Variants in ARMCX4 observed in about 807,000 individuals in gnomAD.
ARMCX4 encodes the protein armadillo repeat-containing X-linked protein 4.
A neutral mutation model predicts 34.7 loss-of-function variants in ARMCX4; 3 were observed. That is an observed-to-expected ratio of 0.09 (90% CI 0.04 to 0.22). The LOEUF (loss-of-function observed/expected upper bound fraction) is 0.22, where lower values mean the gene tolerates loss of function less well. Among genes scored for constraint, ARMCX4 ranks in the 10% least tolerant of loss-of-function variants. ARMCX4 has a pLI of 1.00. For missense variants in ARMCX4, 1,448 were observed against 1,720.8 expected, an observed-to-expected ratio of 0.84 and a Z score of 2.81; for synonymous variants, 513 against 632.8, an observed-to-expected ratio of 0.81 and a Z score of 2.84.
At chrX:101,422,214 ACCATGTTGG>A (rs782291311) in intron 2 of ARMCX4, among the ~76,000 whole-genome samples, 78 of 109,087 alleles carry the variant, frequency 7.2e-4, no homozygotes, top group African/African-American at 2.6e-3. Context: ...ATGGGGTTTC[ACCATGTTGG>A]CCAGGCTGGT....
At chrX:101,484,309 T>A (rs1404028617), upstream of ARMCX4, among the ~76,000 whole-genome samples, 1 of 111,964 alleles carries the variant, frequency 8.9e-6, no homozygotes, top group African/African-American at 3.3e-5. Context: ...TTACGACGGA[T>A]GAAAATTCCA....
At chrX:101,468,485 G>T (rs1932833877) in intron 4 of ARMCX4, among the ~76,000 whole-genome samples, 2 of 109,444 alleles carry the variant, frequency 1.8e-5, no homozygotes, top group Admixed American at 9.7e-5. Context: ...TGGAGAGGAG[G>T]TTTCACCATG....
rs1265821118 is a variant in ARMCX4 at position 101,489,146 on chromosome X, C to A, written c.557C>A (p.Thr186Asn). 1.7e-6 allele frequency: 2 copies of A among 1,154,610 alleles called. No individual in the cohort carries two copies. The highest frequency in any genetic ancestry group is 3.6e-5 in the African/African-American group (2 of 55,920). The change falls in exon 6 of 6, where the codon ACC (threonine) becomes AAC (asparagine). Residue 186 changes from threonine to asparagine, a missense_variant. Around this residue, in one of 2 missense-constraint regions of ARMCX4, gnomAD observed 1,343 missense variants for 1,540.7 expected, o/e 0.87. Transcript: ENST00000423738. Reference sequence around the variant, plus strand: ...ACAGAGGCCAAGAGAGAAGCAATGACCCAGACCAAAGCTGAAACTCATATA... The same window carrying A: ...ACAGAGGCCAAGAGAGAAGCAATGAACCAGACCAAAGCTGAAACTCATATA... ...AKTEAKREAMTQTKAETHILA... is the reference protein window; with the variant it reads ...AKTEAKREAMNQTKAETHILA...
Position 101,470,304 on chromosome X carries a change from CT to C in ARMCX4, c.-472-15707del, listed in dbSNP as rs35076008. ...TGGCTCTGTTCACTCAGCATACTGG[CT>C]TTTTTTTTTTTAACTTCTCCTTTTT... is the stretch of plus-strand genomic sequence containing the variant. On this transcript the variant is annotated intron_variant and NMD_transcript_variant, in intron 4 of 15. Coordinates refer to the ARMCX4 transcript ENST00000433011. Among the ~76,000 whole-genome samples the C allele has an allele frequency of 6.4e-3, 667 of 103,981 alleles. 2 individuals are homozygous for C. Among genetic ancestry groups the C allele is most frequent in the African/African-American group, 0.017 (485 of 29,011 alleles). 90.3% of individuals were successfully genotyped at this position (103,981 alleles called of 115,157 possible). A position where few individuals can be genotyped will look rare whatever the true frequency, so the allele number is the denominator to read the frequency against.
At chrX:101,480,159 C>G (rs940433933) in intron 4 of ARMCX4, among the ~76,000 whole-genome samples, 40 of 105,416 alleles carry the variant, frequency 3.8e-4, no homozygotes, top group African/African-American at 2.2e-4. Context: ...CACACACACA[C>G]ACACACACAC....
At chrX:101,427,121 G>A (rs1929670022) in intron 2 of ARMCX4, among the ~76,000 whole-genome samples, 1 of 111,422 alleles carries the variant, frequency 9.0e-6, no homozygotes, top group Non-Finnish European at 1.9e-5. Flanking sequence ...TTTTCATTTT[G>A]TGGGGAAAAA....
intron 4 of ARMCX4, among the ~76,000 whole-genome samples, chrX:101,470,968 G>C (rs1230554210): frequency 8.9e-6 from 1 of 111,863 alleles, no homozygotes; most frequent in Non-Finnish European, 1.9e-5. Flanking sequence ...GTTTCTCCAT[G>C]TTCTCACCAA....
intron 2 of ARMCX4, among the ~76,000 whole-genome samples, chrX:101,423,490 G>A (rs1929407357): frequency 9.2e-6 from 1 of 108,138 alleles, no homozygotes; most frequent in Non-Finnish European, 1.9e-5. Flanking sequence ...GGTGACACAT[G>A]CCTGTAATCC....
chrX:101,431,736 G>T (rs1187166244), intron 2 of ARMCX4, among the ~76,000 whole-genome samples: 1 of 111,211 alleles, frequency 9.0e-6, no homozygotes. Context: ...ATAGAGATGG[G>T]GTTTCATTGT....
intron 4 of ARMCX4, among the ~76,000 whole-genome samples, chrX:101,466,345 C>T (rs73563056): frequency 0.013 from 1,502 of 111,462 alleles, 20 homozygotes; most frequent in African/African-American, 0.047. Flanking sequence ...TAGAGTTAAA[C>T]ATACACTTCC....
intron 11 of ARMCX4, among the ~76,000 whole-genome samples, chrX:101,517,847 T>TA (rs201632948): frequency 1.3e-3 from 141 of 108,510 alleles, no homozygotes; most frequent in Admixed American, 1.8e-3. Context: ...TCAAGGTTTG[T>TA]AAAAAAAAAC....
At position 101,487,673 on chromosome X, in the gene ARMCX4, T is replaced by C; in HGVS notation, c.-221T>C. On this transcript the variant is annotated 5_prime_UTR_variant, in exon 4 of 6. Transcript: ENST00000423738. The stretch of plus-strand genomic sequence containing the variant: ...AGCAAAGAAACAAAGAGGAGATTGC[T>C]CCTGATCAGTATAGACTGGTAAGAG... 1 of 963,587 alleles carries C rather than the reference T, an allele frequency of 1.0e-6. No homozygotes were observed. The highest frequency in any genetic ancestry group is 1.3e-6 in the Non-Finnish European group (1 of 748,680). 79.4% of individuals were successfully genotyped at this position (963,587 alleles called of 1,213,427 possible).
rs1000434120 is a variant in ARMCX4, at chrX:101,420,290, C to T, written n.164+1290C>T. Among the ~76,000 whole-genome samples the T allele has an allele frequency of 3.6e-5, 4 of 111,034 alleles. No homozygotes were observed. The East Asian group carries it at 8.5e-4, about 24-fold the overall frequency. ...AGGAGAATCACTTGAATGCAGGAGG[C>T]GGAGGTTGCAATGAGCCAAGATTGT... On this transcript the variant is annotated intron_variant and non_coding_transcript_variant, in intron 2 of 3. Coordinates refer to the ARMCX4 transcript ENST00000430461.
In ARMCX4 at chrX:101,520,699, T is replaced by C. The variant is rs188358254; in HGVS notation, c.*1780+9644T>C. 1.3e-4 allele frequency among the ~76,000 whole-genome samples: 15 copies of C among 111,230 alleles called. No homozygotes were observed. In the East Asian group the frequency reaches 3.9e-3, roughly 29 times the overall value. On this transcript the variant is annotated intron_variant and NMD_transcript_variant, in intron 11 of 12. Coordinates refer to the ARMCX4 transcript ENST00000354842. ...TGTCTGTATTTATAAGTTATATTGGTTAGAGTGGTTTTCCTTTCCTGTGAC... is the reference window on the plus strand; with the variant it reads ...TGTCTGTATTTATAAGTTATATTGGCTAGAGTGGTTTTCCTTTCCTGTGAC...
downstream of ARMCX4, among the ~76,000 whole-genome samples, chrX:101,535,761 T>C (rs781898502): frequency 8.9e-6 from 1 of 111,906 alleles, no homozygotes; most frequent in African/African-American, 3.2e-5. Context: ...TTTACTAAGA[T>C]TAAAAAACTT....
intron 4 of ARMCX4, among the ~76,000 whole-genome samples, chrX:101,478,633 G>T (rs868941259): frequency 4.3e-4 from 48 of 111,255 alleles, no homozygotes; most frequent in African/African-American, 1.4e-3. Context: ...ACAAGACAAA[G>T]AATCTAAACA....
rs1485691773 is a variant in ARMCX4 at position 101,492,347 on chromosome X, G to A, written c.3758G>A (p.Gly1253Glu). 15 of 1,148,184 alleles carry A rather than the reference G, an allele frequency of 1.3e-5. No individual in the cohort carries two copies. In the Admixed American group the frequency reaches 3.9e-4, roughly 30 times the overall value. 94.6% of individuals were successfully genotyped at this position (1,148,184 alleles called of 1,213,427 possible). A position where few individuals can be genotyped will look rare whatever the true frequency, so the allele number is the denominator to read the frequency against. The change falls in exon 6 of 6, where the codon GGG (glycine) becomes GAG (glutamate). Residue 1253 changes from glycine to glutamate, a missense_variant. By Grantham distance (98) the Gly-to-Glu change is moderately conservative. This residue lies in a region of ARMCX4 where 1,343 missense variants were observed against 1,540.7 expected (regional missense o/e 0.87). Transcript: ENST00000423738. ...DGSWPGGQAS[G>E]VSWVGEEAIG... ...TCCTGGCCTGGGGGACAGGCCAGTG[G>A]GGTGTCCTGGGTTGGGGAAGAGGCC...
At chrX:101,421,274 G>A (rs1310093152) in intron 2 of ARMCX4, among the ~76,000 whole-genome samples, 2 of 109,611 alleles carry the variant, frequency 1.8e-5, no homozygotes, top group African/African-American at 6.6e-5. Context: ...AAAGGATTGG[G>A]AAGGAGTCAG....
In ARMCX4 at chrX:101,494,652, T is replaced by G. The variant is rs1934136272; in HGVS notation, c.6063T>G (p.Thr2021=). 2 of 1,153,972 alleles carry G rather than the reference T, an allele frequency of 1.7e-6. No homozygotes were observed. The highest frequency in any genetic ancestry group is 2.3e-6 in the Non-Finnish European group (2 of 872,695). ...ATGAGTCCAGAAAACAAACCAGGAC[T>G]GGGGAAAAAACTCGGCCCTGGTCTT... ...VEDESRKQTR[T]GEKTRPWSCR... The change falls in exon 6 of 6, where the codon ACT becomes ACG. Residue 2021 remains threonine (T), a synonymous_variant. Transcript: ENST00000423738.
Sources: gnomAD v4.1 joint callset for allele counts (sites outside exome capture counted in the v4.1 genomes callset) on GRCh38, gnomAD v4.1.1 for gene constraint, gnomAD v4.1.1 regional missense constraint, MANE v1.5 for transcripts, NCBI Gene and HGNC (gene_info 2026-07-23, HGNC 2026-07-21) for gene names.